The following ARHGEF7 variants were observed in gnomAD, a reference collection of about 807,000 sequenced individuals.
ARHGEF7 encodes the protein Rho guanine nucleotide exchange factor 7.
A neutral mutation model predicts 109.8 loss-of-function variants in ARHGEF7; 33 were observed. That is an observed-to-expected ratio of 0.30 (90% CI 0.23 to 0.40). The LOEUF is 0.40. ARHGEF7 is among the 10% of genes least tolerant of loss of function. ARHGEF7 has a pLI of 1.00. For synonymous variants in ARHGEF7, 458 were observed against 424.6 expected, an observed-to-expected ratio of 1.08 and a Z score of -0.97; for missense variants, 938 against 1,098.5, an observed-to-expected ratio of 0.85 and a Z score of 2.07.
chr13:111,167,146 G>C (rs925201340), intron 2 of ARHGEF7, among the ~76,000 whole-genome samples: 1 of 152,096 alleles, frequency 6.6e-6, no homozygotes, highest in African/African-American at 2.4e-5. Flanking sequence ...AGGGTACTTA[G>C]GTCCTCTTTA....
intron 5 of ARHGEF7, among the ~76,000 whole-genome samples, chr13:111,219,200 C>T (rs1321392457): frequency 6.6e-6 from 1 of 152,192 alleles, no homozygotes; most frequent in East Asian, 1.9e-4. Flanking sequence ...CTGCCCTCTA[C>T]CATTCTGCTT....
intron 12 of ARHGEF7, 67 bp from the exon 13 acceptor site, chr13:111,277,520 A>G (rs1662456638): frequency 4.1e-6 from 4 of 975,202 alleles, no homozygotes; most frequent in Non-Finnish European, 4.9e-6. Context: ...TAAGTGAAGT[A>G]TTTGTGCTCA....
chr13:111,140,247 G>A (rs377638028), intron 1 of ARHGEF7, among the ~76,000 whole-genome samples: 74 of 152,190 alleles, frequency 4.9e-4, no homozygotes, highest in Admixed American at 1.8e-3. Context: ...CAGCTGGAGC[G>A]TGTATTGTAT....
intron 2 of ARHGEF7, among the ~76,000 whole-genome samples, chr13:111,177,614 C>T (rs2078295654): frequency 2.0e-5 from 3 of 152,174 alleles, no homozygotes; most frequent in South Asian, 2.1e-4. Context: ...ACTGCTGCCC[C>T]GGTGCCACTT....
Position 111,303,004 on chromosome 13 carries a change from T to C in ARHGEF7, c.2480T>C (p.Met827Thr). 2.5e-6 allele frequency: 4 copies of C among 1,614,096 alleles called. No homozygotes were observed. Among genetic ancestry groups the C allele is most frequent in the Non-Finnish European group, 3.4e-6 (4 of 1,180,006 alleles). ...CTTAATTTACAGGACAACAAAAAGA[T>C]GAAGAAATCTCTAGAGGAAGAACAG... ...VQELRQDNKK[M>T]KKSLEEEQRA... Residue 827 changes from methionine (M) to threonine (T), a missense_variant, in exon 22 of 22, where the codon ATG becomes ACG. Physicochemically the swap from Met to Thr is moderately conservative, Grantham distance 81 (BLOSUM62 -1). This residue lies in a region of ARHGEF7 where 166 missense variants were observed against 167.3 expected (regional missense o/e 0.99). Coordinates refer to ENST00000646102, the MANE Select transcript of ARHGEF7 (RefSeq NM_001354046.2).
chr13:111,119,247 C>T (rs1037357997), intron 1 of ARHGEF7, among the ~76,000 whole-genome samples: 1 of 152,236 alleles, frequency 6.6e-6, no homozygotes, highest in African/African-American at 2.4e-5. Context: ...TCATCTTAAC[C>T]GATTACATCT....
chr13:111,152,038 A>G (rs545717405), intron 1 of ARHGEF7, among the ~76,000 whole-genome samples: 12 of 152,230 alleles, frequency 7.9e-5, no homozygotes, highest in Non-Finnish European at 1.2e-4. Context: ...CAAGTAGCTG[A>G]GTTCATAAAT....
In ARHGEF7 at chr13:111,206,960, T is replaced by TAAA. The variant is rs35814705; in HGVS notation, c.337+1600_337+1602dup. 6.3e-4 allele frequency among the ~76,000 whole-genome samples: 34 copies of TAAA among 53,684 alleles called. 1 individual carries two copies. The highest frequency in any genetic ancestry group is 2.1e-3 in the African/African-American group (32 of 15,202). The allele number at this position is 53,684 out of a possible 152,430, so 35.2% of individuals were successfully genotyped here. A position where few individuals can be genotyped will look rare whatever the true frequency, so the allele number is the denominator to read the frequency against. ...CTGGGCGACAGAGCGAGACTCCATC[T>TAAA]AAAAAAAAAAAAAAAGAAAAAGAAA... is the stretch of plus-strand genomic sequence containing the variant. On this transcript the variant is annotated intron_variant, in intron 3 of 21. Coordinates refer to ENST00000646102, the MANE Select transcript of ARHGEF7 (RefSeq NM_001354046.2).
intron 6 of ARHGEF7, among the ~76,000 whole-genome samples, chr13:111,243,344 C>T (rs576584538): frequency 6.6e-6 from 1 of 152,322 alleles, no homozygotes; most frequent in South Asian, 2.1e-4. Flanking sequence ...AATCAAAATA[C>T]AGAACCTATG....
In ARHGEF7 at chr13:111,198,241, G is replaced by A. The variant is rs182801160; in HGVS notation, c.253-7048G>A. Among the ~76,000 whole-genome samples the A allele has an allele frequency of 8.5e-5, 13 of 152,186 alleles. No individual in the cohort carries two copies. In the South Asian group the frequency reaches 1.2e-3, roughly 15 times the overall value. ...GACAGGTGCCTGGTATTTAGCCCCC[G>A]AATTCTACGGAAAAATAGGACAGAA... On this transcript the variant is annotated intron_variant, in intron 2 of 21. Transcript: ENST00000646102.
chr13:111,301,365 G>C, intron 20 of ARHGEF7, 113 bp from the exon 21 acceptor site: 2 of 872,524 alleles, frequency 2.3e-6, no homozygotes, highest in South Asian at 3.1e-5. Context: ...CATGGGTAAG[G>C]CAGAGCAGCT....
chr13:111,269,140 T>C (rs931974167), intron 9 of ARHGEF7, among the ~76,000 whole-genome samples: 9 of 152,222 alleles, frequency 5.9e-5, no homozygotes, highest in Non-Finnish European at 1.2e-4. Context: ...TTTCCAGTTA[T>C]GTGCTATGCC....
chr13:111,241,422 G>A, intron 6 of ARHGEF7: 1 of 1,422,650 alleles, frequency 7.0e-7, no homozygotes, highest in Non-Finnish European at 9.5e-7. Flanking sequence ...CTGGAGTCAG[G>A]GAGCCAGGCC....
chr13:111,126,742 C>G (rs942165902), intron 1 of ARHGEF7, among the ~76,000 whole-genome samples: 5 of 152,182 alleles, frequency 3.3e-5, no homozygotes, highest in Admixed American at 2.6e-4. Context: ...CTAGGGTTGG[C>G]TCTTCAAACA....
At chr13:111,278,782 C>G (rs754680204) in intron 13 of ARHGEF7, among the ~76,000 whole-genome samples, 3 of 152,210 alleles carry the variant, frequency 2.0e-5, no homozygotes, top group Non-Finnish European at 4.4e-5. Flanking sequence ...TTTATATCCC[C>G]AGAATCTCAT....
At chr13:111,204,409 A>G (rs78153751) in intron 2 of ARHGEF7, among the ~76,000 whole-genome samples, 15,638 of 152,288 alleles carry the variant, frequency 0.1, 1,110 homozygotes, top group Middle Eastern at 0.16. Flanking sequence ...TTTCTGGAAC[A>G]TAGTTGTGGA....
intron 8 of ARHGEF7, among the ~76,000 whole-genome samples, chr13:111,267,347 C>T (rs2091740920): frequency 6.6e-6 from 1 of 152,222 alleles, no homozygotes; most frequent in African/African-American, 2.4e-5. Flanking sequence ...GAGGACCTGG[C>T]AGCACAGCTG....
intron 5 of ARHGEF7, among the ~76,000 whole-genome samples, chr13:111,222,394 G>A (rs1272485866): frequency 6.6e-6 from 1 of 152,036 alleles, no homozygotes; most frequent in African/African-American, 2.4e-5. Flanking sequence ...ATATTGTATG[G>A]AAAGTCATGC....
chr13:111,158,070 CGTG>C (rs1423109711), intron 2 of ARHGEF7, among the ~76,000 whole-genome samples: 1 of 152,106 alleles, frequency 6.6e-6, no homozygotes, highest in Non-Finnish European at 1.5e-5. Context: ...ACATTAATAA[CGTG>C]GTTTCAGGAA....
Sources: allele counts gnomAD v4.1 joint callset (sites outside exome capture counted in the v4.1 genomes callset), GRCh38; gene constraint gnomAD v4.1.1; regional missense constraint gnomAD v4.1.1; transcripts MANE v1.5; gene names NCBI Gene and HGNC (gene_info 2026-07-23, HGNC 2026-07-21).